The following XRCC4 variants were observed in gnomAD, a reference collection of about 807,000 sequenced individuals.
The protein encoded by XRCC4 is X-ray repair cross complementing 4.
In XRCC4, 28 loss-of-function variants were observed where a neutral mutation model predicts 39.1. The observed-to-expected ratio is 0.72, with a 90% CI of 0.53 to 0.98. The LOEUF is 0.98. Ranked by LOEUF, XRCC4 falls within the 50% of genes least tolerant of loss-of-function variation. The pLI is 0.00. For synonymous variants in XRCC4, 123 were observed against 126.4 expected, an observed-to-expected ratio of 0.97 and a Z score of 0.18; for missense variants, 350 against 376.4, an observed-to-expected ratio of 0.93 and a Z score of 0.58.
At chr5:83,105,627 A>G (rs1305655511) in intron 2 of XRCC4, among the ~76,000 whole-genome samples, 1 of 152,158 alleles carries the variant, frequency 6.6e-6, no homozygotes, top group Non-Finnish European at 1.5e-5. Context: ...AATGCTAATG[A>G]CCCTCAAATC....
intron 1 of XRCC4, among the ~76,000 whole-genome samples, chr5:83,091,948 G>A (rs1580309): frequency 0.48 from 73,154 of 151,922 alleles, 18,436 homozygotes; most frequent in African/African-American, 0.62. Context: ...ACTGTTTCCC[G>A]TAATGGTTAT....
At chr5:83,157,282 C>T (rs538422999) in intron 3 of XRCC4, among the ~76,000 whole-genome samples, 1 of 152,202 alleles carries the variant, frequency 6.6e-6, no homozygotes, top group East Asian at 1.9e-4. Context: ...ATCCTCTATC[C>T]TTCCCACTCT....
chr5:83,264,060 C>CT (rs1317018548), intron 7 of XRCC4, among the ~76,000 whole-genome samples: 1 of 152,166 alleles, frequency 6.6e-6, no homozygotes, highest in Non-Finnish European at 1.5e-5. Context: ...TTCCCCACCT[C>CT]CATAGAGTGC....
intron 3 of XRCC4, among the ~76,000 whole-genome samples, chr5:83,136,048 T>C (rs1747882443): frequency 6.6e-6 from 1 of 152,238 alleles, no homozygotes; most frequent in Non-Finnish European, 1.5e-5. Context: ...GAAACAGTTA[T>C]ACTTTTTGCT....
chr5:83,295,713 C>CAT (rs1755069786), intron 7 of XRCC4, among the ~76,000 whole-genome samples: 1 of 151,048 alleles, frequency 6.6e-6, no homozygotes, highest in South Asian at 2.1e-4. Flanking sequence ...CACACACACA[C>CAT]ATGCACGCAC....
downstream of XRCC4, among the ~76,000 whole-genome samples, chr5:83,356,942 C>T (rs1757196789): frequency 6.6e-6 from 1 of 152,100 alleles, no homozygotes; most frequent in Non-Finnish European, 1.5e-5. Context: ...AAAAAAATCC[C>T]CTCTCAAGAG....
At chr5:83,212,972 A>G (rs1161099672) in intron 6 of XRCC4, among the ~76,000 whole-genome samples, 2 of 151,458 alleles carry the variant, frequency 1.3e-5, no homozygotes, top group African/African-American at 4.8e-5. Context: ...ACAAAAAGAT[A>G]CATTGAGACA....
chr5:83,177,700 G>A (rs1322266460), intron 3 of XRCC4, among the ~76,000 whole-genome samples: 5 of 152,258 alleles, frequency 3.3e-5, no homozygotes, highest in Non-Finnish European at 4.4e-5. Context: ...AAAAGAGAAC[G>A]TGAAGATTCA....
intron 7 of XRCC4, among the ~76,000 whole-genome samples, chr5:83,294,816 T>A (rs1755039539): frequency 1.3e-5 from 2 of 152,048 alleles, no homozygotes; most frequent in African/African-American, 4.8e-5. Flanking sequence ...TAAATTTAGT[T>A]AGCTTTTATG....
chr5:83,349,885 T>C (rs1171216045), intron 7 of XRCC4, among the ~76,000 whole-genome samples: 1 of 152,066 alleles, frequency 6.6e-6, no homozygotes, highest in Non-Finnish European at 1.5e-5. Context: ...TAGTACCCAA[T>C]AGGTAGTTTT....
At chr5:83,190,218 C>A (rs1750633573) in intron 3 of XRCC4, among the ~76,000 whole-genome samples, 1 of 152,128 alleles carries the variant, frequency 6.6e-6, no homozygotes, top group Non-Finnish European at 1.5e-5. Flanking sequence ...CAAGGTAATA[C>A]AGTTCAGTCA....
intron 6 of XRCC4, among the ~76,000 whole-genome samples, chr5:83,212,119 T>C (rs1751672109): frequency 6.6e-6 from 1 of 152,036 alleles, no homozygotes; most frequent in Non-Finnish European, 1.5e-5. Flanking sequence ...TGTATATGTA[T>C]ATATACACAT....
intron 7 of XRCC4, among the ~76,000 whole-genome samples, chr5:83,322,003 C>T (rs1756092573): frequency 6.7e-6 from 1 of 150,138 alleles, no homozygotes; most frequent in South Asian, 2.1e-4. Context: ...TAAAACAAAC[C>T]TTCTAAAGAT....
chr5:83,265,317 A>C (rs1431630610), intron 7 of XRCC4, among the ~76,000 whole-genome samples: 1 of 152,196 alleles, frequency 6.6e-6, no homozygotes, highest in Non-Finnish European at 1.5e-5. Context: ...CATCATGAGC[A>C]AACCTCATTT....
rs776252095 is a variant in XRCC4 at position 83,111,218 on chromosome 5, C to A, written c.315+15C>A. On this transcript the variant is annotated intron_variant, in intron 3 of 7. Transcript: ENST00000396027. ...AAGATGTCTCAGTAAGTAAAACTTTCCAAAATGTTACATAGTAAAATGTCA... is the reference window on the plus strand; with the variant it reads ...AAGATGTCTCAGTAAGTAAAACTTTACAAAATGTTACATAGTAAAATGTCA... 2 of 1,557,284 alleles carry A rather than the reference C, an allele frequency of 1.3e-6. No individual in the cohort carries two copies. Among genetic ancestry groups the A allele is most frequent in the South Asian group, 1.2e-5 (1 of 81,914 alleles).
At chr5:83,232,268 C>G (rs1752522194) in intron 6 of XRCC4, among the ~76,000 whole-genome samples, 1 of 152,004 alleles carries the variant, frequency 6.6e-6, no homozygotes, top group Non-Finnish European at 1.5e-5. Context: ...CAAAGCCACC[C>G]TTTTAGTTAG....
At chr5:83,179,142 G>A (rs951775638) in intron 3 of XRCC4, among the ~76,000 whole-genome samples, 2 of 152,164 alleles carry the variant, frequency 1.3e-5, no homozygotes, top group African/African-American at 2.4e-5. Context: ...TCTGGTTAAT[G>A]TGTCATGAAG....
chr5:83,261,415 C>T (rs1753744272), intron 7 of XRCC4, among the ~76,000 whole-genome samples: 1 of 151,944 alleles, frequency 6.6e-6, no homozygotes, highest in South Asian at 2.1e-4. Flanking sequence ...TTGCTACTTA[C>T]GGGTGAAAAT....
rs542972010 is a variant in XRCC4, at chr5:83,225,837, C to T, written c.745+20916C>T. Among the ~76,000 whole-genome samples the T allele has an allele frequency of 5.9e-5, 9 of 151,800 alleles. No individual in the cohort carries two copies. The South Asian group carries it at 1.9e-3, about 32-fold the overall frequency. On this transcript the variant is annotated intron_variant, in intron 6 of 7. Coordinates refer to ENST00000396027, the MANE Select transcript of XRCC4 (RefSeq NM_003401.5). Reference sequence around the variant, plus strand: ...GCTGCATGTTCCTGCCCCATTTCTGCACTGCTCTGAGTGGGTCTAGGCCCT... The same window carrying T: ...GCTGCATGTTCCTGCCCCATTTCTGTACTGCTCTGAGTGGGTCTAGGCCCT...
Sources: allele counts gnomAD v4.1 joint callset (sites outside exome capture counted in the v4.1 genomes callset), GRCh38; gene constraint gnomAD v4.1.1; transcripts MANE v1.5; gene names NCBI Gene and HGNC (gene_info 2026-07-23, HGNC 2026-07-21).